Variants in CATSPERT observed in about 807,000 individuals in gnomAD.
CATSPERT encodes catsper channel auxiliary subunit tau, also known as cation channel sperm-associated targeting subunit tau.
At chr2:201,567,543 A>G in the CATSPERT span, among the ~76,000 whole-genome samples, 5 of 152,220 alleles carry the variant, frequency 3.3e-5, no homozygotes, top group South Asian at 2.1e-4. Flanking sequence ...AGGAGAGCCA[A>G]TAGTGTAGTT....
chr2:201,615,883 C>T, the CATSPERT span, among the ~76,000 whole-genome samples: 11 of 152,132 alleles, frequency 7.2e-5, no homozygotes, highest in East Asian at 1.2e-3. Context: ...ATATCACCAC[C>T]GATCCCACAG....
chr2:201,604,782 C>G, the CATSPERT span: 1 of 999,416 alleles, frequency 1.0e-6, no homozygotes, highest in Non-Finnish European at 1.5e-6. Flanking sequence ...TTGTATGAAT[C>G]TCTAGTAAGT....
chr2:201,536,326 A>G, the CATSPERT span: 3 of 1,577,364 alleles, frequency 1.9e-6, no homozygotes, highest in African/African-American at 4.1e-5. Flanking sequence ...AGTAACTAGA[A>G]AATACAGCAA....
the CATSPERT span, chr2:201,491,411 A>T: frequency 6.5e-7 from 1 of 1,537,150 alleles, no homozygotes; most frequent in South Asian, 1.2e-5. Context: ...TATTGGAATG[A>T]CTGTATTTCA....
the CATSPERT span, chr2:201,491,489 T>A: frequency 6.5e-7 from 1 of 1,536,688 alleles, no homozygotes; most frequent in East Asian, 2.4e-5. Context: ...ATTTCTTTTT[T>A]GTATTGTGCA....
At chr2:201,553,330 A>G in the CATSPERT span, 1 of 152,174 alleles carries the variant, frequency 6.6e-6, no homozygotes, top group Non-Finnish European at 1.5e-5. Context: ...CTTCATCACA[A>G]TTTCATCTGG....
chr2:201,587,624 T>A, the CATSPERT span, among the ~76,000 whole-genome samples: 2 of 152,184 alleles, frequency 1.3e-5, no homozygotes, highest in Non-Finnish European at 2.9e-5. Context: ...TCATTATCTT[T>A]TGTTTTCAGC....
the CATSPERT span, among the ~76,000 whole-genome samples, chr2:201,585,371 C>A: frequency 2.9e-5 from 4 of 138,790 alleles, no homozygotes; most frequent in African/African-American, 2.7e-5. Flanking sequence ...TATCCCAGAA[C>A]TTAAAGTATT....
the CATSPERT span, chr2:201,535,378 T>G: frequency 2.0e-6 from 2 of 979,894 alleles, no homozygotes; most frequent in South Asian, 9.4e-5. Flanking sequence ...TATAAAGATA[T>G]AAGTAGAATG....
chr2:201,601,009 C>T, the CATSPERT span, among the ~76,000 whole-genome samples: 1 of 151,990 alleles, frequency 6.6e-6, no homozygotes, highest in Non-Finnish European at 1.5e-5. Context: ...TTCAGCCTCC[C>T]AAAGTGCTGG....
chr2:201,571,926 A>T, the CATSPERT span: 1 of 1,608,762 alleles, frequency 6.2e-7, no homozygotes, highest in Non-Finnish European at 8.5e-7. Flanking sequence ...TATTAACGAG[A>T]CTTAAAACAC....
chr2:201,552,280 A>G, the CATSPERT span, among the ~76,000 whole-genome samples: 1 of 152,148 alleles, frequency 6.6e-6, no homozygotes, highest in Non-Finnish European at 1.5e-5. Context: ...CAGCCCTTGT[A>G]TATTTTTCAT....
the CATSPERT span, among the ~76,000 whole-genome samples, chr2:201,505,379 C>T: frequency 6.6e-6 from 1 of 152,130 alleles, no homozygotes; most frequent in African/African-American, 2.4e-5. Flanking sequence ...CTGCACCCGG[C>T]CCCCAGAAGG....
chr2:201,548,772 T>A, the CATSPERT span, among the ~76,000 whole-genome samples: 5 of 152,108 alleles, frequency 3.3e-5, no homozygotes, highest in African/African-American at 1.2e-4. Flanking sequence ...TTCATGAATA[T>A]AGATGTGAAC....
chr2:201,556,583 T>C, the CATSPERT span, among the ~76,000 whole-genome samples: 1 of 151,632 alleles, frequency 6.6e-6, no homozygotes, highest in Non-Finnish European at 1.5e-5. Flanking sequence ...TCCCAGCACT[T>C]TGAGAGCCCA....
At chr2:201,584,252 T>C in the CATSPERT span, among the ~76,000 whole-genome samples, 8,182 of 152,196 alleles carry the variant, frequency 0.054, 264 homozygotes, top group African/African-American at 0.076. Flanking sequence ...ATCGCGCCAC[T>C]GCACTCCAGT....
At chr2:201,560,788 T>C in the CATSPERT span, among the ~76,000 whole-genome samples, 1 of 142,940 alleles carries the variant, frequency 7.0e-6, no homozygotes, top group East Asian at 2.0e-4. Flanking sequence ...GAAATCTCTC[T>C]TTTTTTTTTT....
At chr2:201,607,021 G>C in the CATSPERT span, among the ~76,000 whole-genome samples, 1 of 145,848 alleles carries the variant, frequency 6.9e-6, no homozygotes. Flanking sequence ...TAAATAGTAA[G>C]GGAGAAAGAA....
chr2:201,600,697 A>C, the CATSPERT span, among the ~76,000 whole-genome samples: 4 of 152,188 alleles, frequency 2.6e-5, no homozygotes, highest in Non-Finnish European at 4.4e-5. Context: ...AATTCAACTA[A>C]TGTAATAAAT....
Sources: gnomAD v4.1 joint callset for allele counts (sites outside exome capture counted in the v4.1 genomes callset) on GRCh38, gnomAD v4.1.1 for gene constraint, MANE v1.5 for transcripts, NCBI Gene and HGNC (gene_info 2026-07-23, HGNC 2026-07-21) for gene names.